The following LRRC7 variants were observed in gnomAD, a reference collection of about 807,000 sequenced individuals.
LRRC7 encodes the protein leucine-rich repeat-containing protein 7.
In LRRC7, 23 loss-of-function variants were observed where a neutral mutation model predicts 175.7. That is an observed-to-expected ratio of 0.13 (90% CI 0.09 to 0.19). The LOEUF (loss-of-function observed/expected upper bound fraction) is 0.19. LRRC7 is among the 10% of genes least tolerant of loss of function. The probability of loss-of-function intolerance (pLI) is 1.00; values close to 1 mark genes in which losing one functional copy is unlikely to be tolerated. For synonymous variants in LRRC7, 685 were observed against 680.9 expected, an observed-to-expected ratio of 1.01 and a Z score of -0.09; for missense variants, 1,354 against 1,904.7, an observed-to-expected ratio of 0.71 and a Z score of 5.38.
chr1:69,650,938 T>C (rs1410883887), intron 1 of LRRC7, among the ~76,000 whole-genome samples: 1 of 152,222 alleles, frequency 6.6e-6, no homozygotes, highest in Non-Finnish European at 1.5e-5. Context: ...ATAAATGCTA[T>C]CCTCACATGA....
chr1:69,891,950 A>T (rs1343247833), intron 7 of LRRC7, among the ~76,000 whole-genome samples: 2 of 149,288 alleles, frequency 1.3e-5, no homozygotes, highest in Non-Finnish European at 1.5e-5. Flanking sequence ...CAATAAAATG[A>T]CACGTGCCTG....
chr1:70,018,417 T>A (rs773097336), intron 14 of LRRC7, among the ~76,000 whole-genome samples: 3 of 152,070 alleles, frequency 2.0e-5, no homozygotes, highest in Non-Finnish European at 4.4e-5. Flanking sequence ...ACCAAAAGCT[T>A]ACTTAGTTGA....
intron 11 of LRRC7, among the ~76,000 whole-genome samples, chr1:69,995,540 C>G (rs2101914401): frequency 6.6e-6 from 1 of 151,324 alleles, no homozygotes; most frequent in Non-Finnish European, 1.5e-5. Context: ...TCTCCCAATG[C>G]TATCCCTCCC....
rs183644106 is a variant in LRRC7, at chr1:69,809,307, C to T, written c.422-16441C>T. Among the ~76,000 whole-genome samples, 109 of 152,000 alleles carry T rather than the reference C, an allele frequency of 7.2e-4. 2 individuals are homozygous for T. The highest frequency in any genetic ancestry group is 2.5e-3 in the African/African-American group (105 of 41,500). On this transcript the variant is annotated intron_variant, in intron 4 of 26. Coordinates refer to ENST00000651989, the MANE Select transcript of LRRC7 (RefSeq NM_001370785.2). The stretch of plus-strand genomic sequence containing the variant: ...ATAGCCTATCAACCGAAAAAAGTCC[C>T]GGACTAAAAGGATTCACAGCCAAAT...
rs1293061086 is a variant in LRRC7, at chr1:69,926,498, C to T, written c.648-5009C>T. Among the ~76,000 whole-genome samples the T allele has an allele frequency of 2.0e-3, 281 of 138,870 alleles. 2 individuals are homozygous for T. Among genetic ancestry groups the T allele is most frequent in the African/African-American group, 6.5e-3 (250 of 38,366 alleles). 91.1% of individuals were successfully genotyped at this position (138,870 alleles called of 152,430 possible). On this transcript the variant is annotated intron_variant, in intron 7 of 26. Coordinates refer to ENST00000651989, the MANE Select transcript of LRRC7 (RefSeq NM_001370785.2). ...TTTATGAGTCTGGGTGCTCCTGTATCAGGTGCATATATATTTAGGATAGTT... is the reference window on the plus strand; with the variant it reads ...TTTATGAGTCTGGGTGCTCCTGTATTAGGTGCATATATATTTAGGATAGTT...
At chr1:69,964,180 A>T (rs1258804082) in intron 8 of LRRC7, among the ~76,000 whole-genome samples, 2 of 152,336 alleles carry the variant, frequency 1.3e-5, no homozygotes, top group South Asian at 2.1e-4. Flanking sequence ...TTTTATGCCT[A>T]AATCTCTGTA....
chr1:69,728,220 A>C (rs1217774835), intron 2 of LRRC7, among the ~76,000 whole-genome samples: 1 of 152,198 alleles, frequency 6.6e-6, no homozygotes, highest in Non-Finnish European at 1.5e-5. Context: ...TTAACCAAAA[A>C]CAACCCCCAC....
At chr1:69,707,726 T>G (rs1456505966) in intron 2 of LRRC7, among the ~76,000 whole-genome samples, 1 of 152,154 alleles carries the variant, frequency 6.6e-6, no homozygotes, top group Non-Finnish European at 1.5e-5. Flanking sequence ...TAGAAAGTCA[T>G]CTCTAGACTA....
chr1:69,602,261 C>T (rs1478062618), intron 1 of LRRC7, among the ~76,000 whole-genome samples: 1 of 152,074 alleles, frequency 6.6e-6, no homozygotes. Context: ...TTTTTTTACA[C>T]TTCCATAGTC....
intron 1 of LRRC7, among the ~76,000 whole-genome samples, chr1:69,610,940 C>T (rs1206813300): frequency 6.6e-6 from 1 of 151,808 alleles, no homozygotes; most frequent in African/African-American, 2.4e-5. Context: ...CACACTTAGG[C>T]AAAATGCAGC....
intron 7 of LRRC7, among the ~76,000 whole-genome samples, chr1:69,873,066 G>A (rs1416984256): frequency 1.3e-5 from 2 of 152,106 alleles, no homozygotes; most frequent in Non-Finnish European, 2.9e-5. Context: ...TAAACAGTAT[G>A]CGTTAATCAT....
intron 2 of LRRC7, among the ~76,000 whole-genome samples, chr1:69,713,850 A>T (rs17131019): frequency 0.22 from 33,374 of 151,556 alleles, 4,268 homozygotes; most frequent in African/African-American, 0.33. Flanking sequence ...CCAGTCACAA[A>T]ATGTTAATCA....
intron 24 of LRRC7, among the ~76,000 whole-genome samples, chr1:70,080,499 A>C (rs2102143101): frequency 6.6e-6 from 1 of 152,362 alleles, no homozygotes; most frequent in Middle Eastern, 3.4e-3. Context: ...AAAATATTCA[A>C]GAACTCTAGA....
intron 1 of LRRC7, 68 bp downstream of exon 1, chr1:69,568,709 C>A: frequency 3.7e-6 from 3 of 809,644 alleles, no homozygotes; most frequent in Non-Finnish European, 5.1e-6. Flanking sequence ...ACCGTAGGCG[C>A]GCGAGGTGTG....
chr1:69,960,975 T>C (rs1198363061), intron 8 of LRRC7, among the ~76,000 whole-genome samples: 1 of 152,182 alleles, frequency 6.6e-6, no homozygotes, highest in Non-Finnish European at 1.5e-5. Context: ...TTGGAATTTC[T>C]GGCTGGGGCA....
intron 25 of LRRC7, among the ~76,000 whole-genome samples, chr1:70,091,811 A>G (rs2102172820): frequency 6.6e-6 from 1 of 152,334 alleles, no homozygotes; most frequent in East Asian, 1.9e-4. Context: ...TAATGCGTCC[A>G]TTGAAAGATT....
In LRRC7 at chr1:70,107,733, T is replaced by A; in HGVS notation, c.4546-19T>A. ...TTCTTGGTAATAGAATCCTAACCTC[T>A]GTTACTTCTGACTTATAGGGTATCT... On this transcript the variant is annotated intron_variant, in intron 25 of 26. Coordinates refer to ENST00000651989, the MANE Select transcript of LRRC7 (RefSeq NM_001370785.2). 6.2e-7 allele frequency: 1 copy of A among 1,603,800 alleles called. No homozygotes were observed. The highest frequency in any genetic ancestry group is 8.5e-7 in the Non-Finnish European group (1 of 1,170,918).
intron 1 of LRRC7, among the ~76,000 whole-genome samples, chr1:69,651,666 G>T (rs1181423067): frequency 1.3e-5 from 2 of 152,074 alleles, no homozygotes; most frequent in African/African-American, 4.8e-5. Flanking sequence ...GCACAAAGCT[G>T]GGAACACTTG....
chr1:69,765,644 G>T (rs1227442567), intron 3 of LRRC7, among the ~76,000 whole-genome samples: 1 of 152,024 alleles, frequency 6.6e-6, no homozygotes, highest in Admixed American at 6.6e-5. Flanking sequence ...TCAACACTTG[G>T]CTAGGAGCTC....
Sources: allele counts gnomAD v4.1 joint callset (sites outside exome capture counted in the v4.1 genomes callset), GRCh38; gene constraint gnomAD v4.1.1; transcripts MANE v1.5; gene names NCBI Gene and HGNC (gene_info 2026-07-23, HGNC 2026-07-21).